The following PTPRA variants were observed in gnomAD, a reference collection of about 807,000 sequenced individuals.
The protein encoded by PTPRA is protein tyrosine phosphatase receptor type A, also known as receptor-type tyrosine-protein phosphatase alpha.
In PTPRA, 25 loss-of-function variants were observed where a neutral mutation model predicts 104.8. The ratio of observed to expected loss-of-function variants is 0.24; its 90% confidence interval spans 0.17 to 0.33. The LOEUF (loss-of-function observed/expected upper bound fraction) is 0.33. Ranked by LOEUF, PTPRA falls within the 10% of genes least tolerant of loss-of-function variation. The probability of loss-of-function intolerance (pLI) is 1.00; values close to 1 mark genes in which losing one functional copy is unlikely to be tolerated. For missense variants in PTPRA, 765 were observed against 1,015.3 expected (o/e 0.75, Z 3.35); for synonymous variants, 323 against 368.9 (o/e 0.88, Z 1.43).
intron 3 of PTPRA, among the ~76,000 whole-genome samples, chr20:2,953,402 C>T (rs1159701166): frequency 6.6e-6 from 1 of 151,746 alleles, no homozygotes; most frequent in African/African-American, 2.4e-5. Context: ...TACAGGCGCG[C>T]GTTACCACGC....
chr20:2,996,461 G>C (rs1378806731), intron 9 of PTPRA, among the ~76,000 whole-genome samples: 4 of 152,188 alleles, frequency 2.6e-5, no homozygotes, highest in African/African-American at 9.7e-5. Context: ...ATCAGATGGG[G>C]AAGGCCTTTC....
At chr20:3,002,534 G>T (rs958951399) in intron 9 of PTPRA, among the ~76,000 whole-genome samples, 1 of 151,960 alleles carries the variant, frequency 6.6e-6, no homozygotes, top group Admixed American at 6.6e-5. Context: ...CACCATGTTG[G>T]TCAGCTGGTC....
In PTPRA at chr20:3,037,179, T is replaced by C; in HGVS notation, c.2224T>C (p.Phe742Leu). 1.2e-6 allele frequency: 2 copies of C among 1,614,188 alleles called. No homozygotes were observed. The highest frequency in any genetic ancestry group is 1.7e-6 in the Non-Finnish European group (2 of 1,180,008). Residue 742 changes from phenylalanine (F) to leucine (L), a missense_variant, in exon 23 of 24, where the codon TTC (phenylalanine) becomes CTC (leucine). Physicochemically the swap from Phe to Leu is conservative, Grantham distance 22. This residue lies in a region of PTPRA where 72 missense variants were observed against 140.7 expected (regional missense o/e 0.51). Coordinates refer to ENST00000399903, the MANE Select transcript of PTPRA (RefSeq NM_001385305.1). The surrounding 1 kb of genome is among the most constrained non-coding windows in gnomAD (Gnocchi z 4.3). ...CGCCGGGGCAGGAAGGACGGGGACCTTCTGTGCCCTGAGCACCGTCCTGGA... is the reference window on the plus strand; with the variant it reads ...CGCCGGGGCAGGAAGGACGGGGACCCTCTGTGCCCTGAGCACCGTCCTGGA... ...CSAGAGRTGT[F>L]CALSTVLERV...
chr20:2,989,891 C>T (rs1310533130), intron 9 of PTPRA, among the ~76,000 whole-genome samples: 3 of 152,046 alleles, frequency 2.0e-5, no homozygotes, highest in South Asian at 2.1e-4. Flanking sequence ...GTGGTGGGCA[C>T]CTATAGTTGC....
intron 3 of PTPRA, among the ~76,000 whole-genome samples, chr20:2,955,891 C>T (rs2061518594): frequency 6.6e-6 from 1 of 152,034 alleles, no homozygotes. Flanking sequence ...TCTTTTTTCC[C>T]CCTACCCCCC....
chr20:2,880,351 T>TAAA (rs1264479554), intron 1 of PTPRA, among the ~76,000 whole-genome samples: 1 of 152,214 alleles, frequency 6.6e-6, no homozygotes, highest in African/African-American at 2.4e-5. Context: ...GTCAAACAGT[T>TAAA]AATGTGTTAA....
chr20:3,009,483 A>G (rs2064052484), intron 11 of PTPRA, among the ~76,000 whole-genome samples: 1 of 152,188 alleles, frequency 6.6e-6, no homozygotes, highest in Admixed American at 6.5e-5. Context: ...GATCTTGAGA[A>G]AGTGAAAGAA....
chr20:3,026,988 C>T, intron 18 of PTPRA, 133 bp from the exon 19 acceptor site: 1 of 1,083,424 alleles, frequency 9.2e-7, no homozygotes, highest in South Asian at 1.5e-5. Context: ...GGCTTTCTCC[C>T]TAATGAGCTA....
chr20:2,925,675 A>G (rs940610436), intron 2 of PTPRA, among the ~76,000 whole-genome samples: 4 of 152,126 alleles, frequency 2.6e-5, no homozygotes, highest in Non-Finnish European at 4.4e-5. Context: ...TTAGCCAGGC[A>G]TGGTGCTGCA....
intron 20 of PTPRA, among the ~76,000 whole-genome samples, chr20:3,028,339 C>T (rs560401516): frequency 2.6e-5 from 4 of 152,278 alleles, no homozygotes; most frequent in Admixed American, 1.3e-4. Context: ...AAACAAGAAA[C>T]TTACAGTCTA....
At chr20:2,900,480 A>G (rs948504280) in intron 1 of PTPRA, among the ~76,000 whole-genome samples, 1 of 152,138 alleles carries the variant, frequency 6.6e-6, no homozygotes, top group African/African-American at 2.4e-5. Flanking sequence ...GATATTCATA[A>G]ATTTCCATTG....
chr20:2,987,054 T>A (rs2062940231), intron 7 of PTPRA, among the ~76,000 whole-genome samples: 1 of 152,146 alleles, frequency 6.6e-6, no homozygotes, highest in African/African-American at 2.4e-5. Flanking sequence ...AAGCCCTCCC[T>A]CTTTCTTCCA....
At chr20:2,887,853 C>G (rs1182664396) in intron 1 of PTPRA, among the ~76,000 whole-genome samples, 1 of 152,228 alleles carries the variant, frequency 6.6e-6, no homozygotes, top group Non-Finnish European at 1.5e-5. Flanking sequence ...GGGGATACTT[C>G]TGCTCTCCTG....
intron 13 of PTPRA, among the ~76,000 whole-genome samples, chr20:3,020,537 G>C (rs2064813176): frequency 6.6e-6 from 1 of 152,232 alleles, no homozygotes; most frequent in African/African-American, 2.4e-5. Flanking sequence ...AAGGGAATTT[G>C]AGGCCTTGGC....
chr20:2,919,139 C>A (rs1036643552), intron 1 of PTPRA, among the ~76,000 whole-genome samples: 1 of 151,880 alleles, frequency 6.6e-6, no homozygotes. Flanking sequence ...AAGATTTGAC[C>A]AAGTTGATTG....
the PTPRA span, among the ~76,000 whole-genome samples, chr20:2,867,445 G>A: frequency 3.3e-5 from 5 of 152,128 alleles, no homozygotes; most frequent in African/African-American, 1.2e-4. Context: ...AGGAGTACCC[G>A]CGGGGCCCTC....
At position 3,038,050 on chromosome 20, in the gene PTPRA, A is replaced by G. The variant is rs757385653; in HGVS notation, c.2335-9A>G. 3 of 1,604,510 alleles carry G rather than the reference A, an allele frequency of 1.9e-6. No homozygotes were observed. Among genetic ancestry groups the G allele is most frequent in the Admixed American group, 1.7e-5 (1 of 59,622 alleles). ...AACCCTGACTTTTTCCCTACCTTTCACTCTCCAGGAACAGTATGAGTTCTG... is the reference window on the plus strand; with the variant it reads ...AACCCTGACTTTTTCCCTACCTTTCGCTCTCCAGGAACAGTATGAGTTCTG... On this transcript the variant is annotated splice_polypyrimidine_tract_variant and intron_variant, in intron 23 of 23. Coordinates refer to ENST00000399903, the MANE Select transcript of PTPRA (RefSeq NM_001385305.1).
At chr20:2,918,234 ACT>A (rs1277240259) in intron 1 of PTPRA, among the ~76,000 whole-genome samples, 8 of 152,068 alleles carry the variant, frequency 5.3e-5, no homozygotes, top group African/African-American at 1.9e-4. Context: ...ACCAGGCTAA[ACT>A]CTGACTGTTG....
intron 20 of PTPRA, among the ~76,000 whole-genome samples, chr20:3,030,676 CTTTTTTTT>C (rs1180681994): frequency 3.0e-5 from 2 of 67,724 alleles, no homozygotes; most frequent in Non-Finnish European, 5.2e-5. Context: ...TCTCCCTCTG[CTTTTTTTT>C]TTTTTTTTTT....
Sources: allele counts gnomAD v4.1 joint callset (sites outside exome capture counted in the v4.1 genomes callset), GRCh38; gene constraint gnomAD v4.1.1; regional missense constraint gnomAD v4.1.1; non-coding constraint Gnocchi (gnomAD v3.1); transcripts MANE v1.5; gene names NCBI Gene and HGNC (gene_info 2026-07-23, HGNC 2026-07-21).